The following SORBS2 variants were observed in gnomAD, a reference collection of about 807,000 sequenced individuals.
SORBS2 encodes the protein sorbin and SH3 domain-containing protein 2.
Under a neutral mutation model 97.7 loss-of-function variants are expected in SORBS2, and 46 were observed. The ratio of observed to expected loss-of-function variants is 0.47; its 90% confidence interval spans 0.37 to 0.60. The LOEUF (loss-of-function observed/expected upper bound fraction) is 0.60. Ranked by LOEUF, SORBS2 falls within the 20% of genes least tolerant of loss-of-function variation. The pLI, the probability that SORBS2 is intolerant of heterozygous loss-of-function variation, is 0.00. For synonymous variants in SORBS2, 476 were observed against 473.4 expected, an observed-to-expected ratio of 1.01 and a Z score of -0.07; for missense variants, 1,316 against 1,282.3, an observed-to-expected ratio of 1.03 and a Z score of -0.40.
intron 5 of SORBS2, among the ~76,000 whole-genome samples, chr4:185,629,560 A>ATTTTTTTTTTT (rs201590422): frequency 7.5e-6 from 1 of 134,084 alleles, no homozygotes; most frequent in Admixed American, 7.4e-5. Context: ...GAATTTTGTG[A>ATTTTTTTTTTT]TTTGTTTTTT....
At chr4:185,808,785 A>G (rs926179794) in intron 1 of SORBS2, among the ~76,000 whole-genome samples, 6 of 152,230 alleles carry the variant, frequency 3.9e-5, no homozygotes, top group African/African-American at 1.2e-4. Flanking sequence ...AAACAACTTC[A>G]TAAGTGTCTT....
intron 2 of SORBS2, chr4:185,774,224 T>C (rs2098988451): frequency 6.6e-6 from 1 of 152,226 alleles, no homozygotes; most frequent in African/African-American, 2.4e-5. Flanking sequence ...TCTCATTTGC[T>C]GCTTGCTCTT....
chr4:185,610,902 A>T (rs1245448672), intron 12 of SORBS2, among the ~76,000 whole-genome samples: 1 of 152,186 alleles, frequency 6.6e-6, no homozygotes, highest in Non-Finnish European at 1.5e-5. Context: ...TTTTATTCCT[A>T]GAAGTTAATG....
At chr4:185,594,464 T>C (rs2153366052) in intron 12 of SORBS2, among the ~76,000 whole-genome samples, 1 of 152,324 alleles carries the variant, frequency 6.6e-6, no homozygotes, top group Non-Finnish European at 1.5e-5. Context: ...GAATTAACAT[T>C]TTCTGTTCTC....
At chr4:185,781,677 C>T (rs2099031566) in intron 1 of SORBS2, among the ~76,000 whole-genome samples, 2 of 125,816 alleles carry the variant, frequency 1.6e-5, no homozygotes, top group Admixed American at 7.7e-5. Flanking sequence ...CCTCCGGCCT[C>T]TCCAGCCTCC....
chr4:185,889,722 C>T (rs1317902788), intron 1 of SORBS2, among the ~76,000 whole-genome samples: 1 of 152,060 alleles, frequency 6.6e-6, no homozygotes, highest in African/African-American at 2.4e-5. Flanking sequence ...CAGTTTTACG[C>T]CCTGAACATC....
intron 12 of SORBS2, among the ~76,000 whole-genome samples, chr4:185,604,768 A>G (rs1325280574): frequency 6.6e-6 from 1 of 152,172 alleles, no homozygotes; most frequent in Non-Finnish European, 1.5e-5. Context: ...AGATAGGAAC[A>G]CCTATATTCT....
chr4:185,703,400 A>C (rs1001502962), intron 2 of SORBS2, among the ~76,000 whole-genome samples: 8 of 152,202 alleles, frequency 5.3e-5, no homozygotes, highest in African/African-American at 1.9e-4. Flanking sequence ...AGGTATCTCA[A>C]TCATGGAGGC....
rs1217288970 is a variant in SORBS2 at position 185,816,519 on chromosome 4, G to A, written c.-337-41153C>T. Among the ~76,000 whole-genome samples the A allele has an allele frequency of 3.9e-5, 6 of 152,222 alleles. No homozygotes were observed. In the East Asian group the frequency reaches 1.2e-3, roughly 29 times the overall value. ...AACAATGTCAAAATAGGACATTGAT[G>A]GGAAATGTGACAACTGACTTAGGAG... On this transcript the variant is annotated intron_variant, in intron 1 of 20. Coordinates refer to the SORBS2 transcript ENST00000284776.
In SORBS2 at chr4:185,678,473, C is replaced by T. The variant is rs1370286915; in HGVS notation, c.-96G>A. The T allele has an allele frequency of 5.2e-6, 8 of 1,550,926 alleles. No individual in the cohort carries two copies. The South Asian group carries it at 9.5e-5, about 18-fold the overall frequency. On this transcript the variant is annotated 5_prime_UTR_variant, in exon 4 of 21. Transcript: ENST00000284776. The stretch of plus-strand genomic sequence containing the variant: ...AGGTTTGGTCGAACGCTTCTAAAAC[C>T]TTTTGCTGCAAGAGAGGAATATGTA...
chr4:185,872,471 G>A (rs972224230), intron 1 of SORBS2, among the ~76,000 whole-genome samples: 3 of 152,144 alleles, frequency 2.0e-5, no homozygotes, highest in Non-Finnish European at 2.9e-5. Flanking sequence ...ATCTGTGCGC[G>A]TGGAATGCAC....
chr4:185,826,336 A>T (rs1312406086), intron 1 of SORBS2, among the ~76,000 whole-genome samples: 1 of 152,162 alleles, frequency 6.6e-6, no homozygotes, highest in Admixed American at 6.5e-5. Context: ...CTCATCGACC[A>T]CTACTACCTG....
intron 7 of SORBS2, among the ~76,000 whole-genome samples, chr4:185,622,278 A>AT (rs1189887066): frequency 6.6e-6 from 1 of 152,206 alleles, no homozygotes; most frequent in Non-Finnish European, 1.5e-5. Context: ...GAATTAAGTA[A>AT]TGGAAAAGAG....
intron 2 of SORBS2, among the ~76,000 whole-genome samples, chr4:185,687,665 T>C (rs781417004): frequency 1.3e-5 from 2 of 152,170 alleles, no homozygotes; most frequent in Non-Finnish European, 2.9e-5. Context: ...ACAAGAAAGT[T>C]TGGGAATCCT....
At chr4:185,763,774 A>G (rs2153613097) in intron 2 of SORBS2, among the ~76,000 whole-genome samples, 1 of 152,352 alleles carries the variant, frequency 6.6e-6, no homozygotes, top group Middle Eastern at 3.4e-3. Context: ...TTTTCAGATT[A>G]CATGTGAAAT....
chr4:185,806,975 C>T (rs2099159577), intron 1 of SORBS2, among the ~76,000 whole-genome samples: 1 of 152,066 alleles, frequency 6.6e-6, no homozygotes, highest in Admixed American at 6.5e-5. Flanking sequence ...ATTGGATGAA[C>T]TCTCCCATTC....
chr4:185,733,013 G>A (rs2098654615), intron 2 of SORBS2, among the ~76,000 whole-genome samples: 1 of 152,178 alleles, frequency 6.6e-6, no homozygotes, highest in Non-Finnish European at 1.5e-5. Context: ...GGAAGGATTC[G>A]CTGCTGGAGC....
At chr4:185,899,706 C>T (rs577469679) in intron 1 of SORBS2, among the ~76,000 whole-genome samples, 33 of 152,300 alleles carry the variant, frequency 2.2e-4, no homozygotes, top group Admixed American at 1.9e-3. Context: ...CTCTCCTTAA[C>T]AAATTGTATC....
upstream of SORBS2, among the ~76,000 whole-genome samples, chr4:185,658,436 G>A (rs113401195): frequency 2.2e-3 from 333 of 151,962 alleles, no homozygotes; most frequent in Middle Eastern, 0.031. Context: ...CATTATTACC[G>A]TTCCTCTGGT....
Sources: allele counts gnomAD v4.1 joint callset (sites outside exome capture counted in the v4.1 genomes callset), GRCh38; gene constraint gnomAD v4.1.1; transcripts MANE v1.5; gene names NCBI Gene and HGNC (gene_info 2026-07-23, HGNC 2026-07-21).